Variants in MYO3B observed in about 807,000 individuals in gnomAD.
MYO3B encodes the protein myosin IIIB.
Under a neutral mutation model 174.6 loss-of-function variants are expected in MYO3B, and 156 were observed. The ratio of observed to expected loss-of-function variants is 0.89; its 90% CI spans 0.78 to 1.02. MYO3B has a LOEUF of 1.02. Among genes scored for constraint, MYO3B ranks in the 50% least tolerant of loss-of-function variants. The pLI is 0.00. For synonymous variants in MYO3B, 563 were observed against 569.1 expected (o/e 0.99, Z 0.15); for missense variants, 1,632 against 1,639.4 (o/e 1.00, Z 0.08).
intron 32 of MYO3B, among the ~76,000 whole-genome samples, chr2:170,611,243 A>G (rs1292508268): frequency 2.0e-5 from 3 of 152,224 alleles, no homozygotes; most frequent in Non-Finnish European, 2.9e-5. Context: ...CTCTGCCTCA[A>G]AATTACTTAC....
chr2:170,586,551 T>A (rs1243794898), intron 32 of MYO3B, among the ~76,000 whole-genome samples: 2 of 152,266 alleles, frequency 1.3e-5, no homozygotes, highest in African/African-American at 4.8e-5. Flanking sequence ...GCCTGTTATG[T>A]ATGTTACTAA....
chr2:170,422,977 CT>C (rs34882424), intron 22 of MYO3B, among the ~76,000 whole-genome samples: 57 of 88,500 alleles, frequency 6.4e-4, no homozygotes, highest in East Asian at 2.5e-3. Flanking sequence ...TTCTTTCTTT[CT>C]TTTTTTTTTT....
rs1483964629 is a variant in MYO3B at position 170,654,038 on chromosome 2, A to AACTT, written c.*919_*922dup. 2.0e-5 allele frequency: 3 copies of AACTT among 151,992 alleles called. No individual in the cohort carries two copies. The East Asian group carries it at 5.8e-4, about 29-fold the overall frequency. 9.4% of individuals were successfully genotyped at this position (151,992 alleles called of 1,614,324 possible). The stretch of plus-strand genomic sequence containing the variant: ...CTAGTGAATGGAGAATACATGGAGA[A>AACTT]ACTTAACTAAGTTACACAAGCATAT... On this transcript the variant is annotated 3_prime_UTR_variant, in exon 35 of 35. Transcript: ENST00000408978.
chr2:170,509,523 T>C (rs967632952), intron 28 of MYO3B, among the ~76,000 whole-genome samples: 1 of 152,148 alleles, frequency 6.6e-6, no homozygotes, highest in Non-Finnish European at 1.5e-5. Flanking sequence ...AGGGAAAAAA[T>C]AGAATACAAC....
At chr2:170,574,684 C>G (rs1024355940) in intron 32 of MYO3B, among the ~76,000 whole-genome samples, 1 of 152,126 alleles carries the variant, frequency 6.6e-6, no homozygotes, top group African/African-American at 2.4e-5. Flanking sequence ...AGGGTGAAAA[C>G]TGGCTGGTTC....
chr2:170,356,915 C>T (rs998024452), intron 8 of MYO3B, among the ~76,000 whole-genome samples: 5 of 151,906 alleles, frequency 3.3e-5, no homozygotes, highest in Admixed American at 3.3e-4. Context: ...GTGGCTGGGA[C>T]CATAGGTATG....
At chr2:170,479,505 TTA>T (rs1685543351) in intron 25 of MYO3B, among the ~76,000 whole-genome samples, 1 of 145,942 alleles carries the variant, frequency 6.9e-6, no homozygotes, top group African/African-American at 2.5e-5. Flanking sequence ...AATATATGTT[TTA>T]TATATATACA....
intron 9 of MYO3B, among the ~76,000 whole-genome samples, chr2:170,372,146 C>A (rs71415210): frequency 0.22 from 14,410 of 64,280 alleles, 1,371 homozygotes; most frequent in Non-Finnish European, 0.3. Flanking sequence ...AAAAAAAAAA[C>A]AACAACAACA....
At chr2:170,442,696 C>T (rs1418379144) in intron 22 of MYO3B, among the ~76,000 whole-genome samples, 1 of 152,062 alleles carries the variant, frequency 6.6e-6, no homozygotes, top group Admixed American at 6.6e-5. Flanking sequence ...TGTTCCCCAC[C>T]CTGCGTCCAA....
rs1169743924 is a variant in MYO3B at position 170,371,158 on chromosome 2, CA to C, written c.971+1782del. 5.7e-5 allele frequency among the ~76,000 whole-genome samples: 8 copies of C among 139,840 alleles called. No homozygotes were observed. The East Asian group carries it at 1.7e-3, about 30-fold the overall frequency. The allele number at this position is 139,840 out of a possible 152,430, so 91.7% of individuals were successfully genotyped here. ...GCTTAAACCTGGGAGGCGGAAGTTG[CA>C]GTGAGCTGAGATCGCGCCACTGCAC... On this transcript the variant is annotated intron_variant, in intron 9 of 34. Coordinates refer to ENST00000408978, the MANE Select transcript of MYO3B (RefSeq NM_138995.5).
At chr2:170,343,269 C>CA (rs1418583244) in intron 8 of MYO3B, among the ~76,000 whole-genome samples, 1 of 151,980 alleles carries the variant, frequency 6.6e-6, no homozygotes, top group Non-Finnish European at 1.5e-5. Context: ...CCTGTCTCTA[C>CA]AAAAAATTTA....
At chr2:170,532,466 G>A (rs1349227569) in intron 30 of MYO3B, among the ~76,000 whole-genome samples, 13 of 152,184 alleles carry the variant, frequency 8.5e-5, no homozygotes, top group Admixed American at 7.9e-4. Flanking sequence ...GGTCATATAA[G>A]AAAATGCCCT....
intron 32 of MYO3B, among the ~76,000 whole-genome samples, chr2:170,559,459 A>C (rs543568665): frequency 4.6e-5 from 7 of 152,206 alleles, no homozygotes; most frequent in Non-Finnish European, 1.0e-4. Flanking sequence ...TTAGGCCAAA[A>C]GATCAGAGAG....
At chr2:170,535,929 T>C (rs988841039) in intron 30 of MYO3B, among the ~76,000 whole-genome samples, 2 of 152,216 alleles carry the variant, frequency 1.3e-5, no homozygotes, top group Non-Finnish European at 2.9e-5. Context: ...CTGAACTTTC[T>C]CTCAGCTCCC....
chr2:170,415,396 C>T (rs1317214232), intron 22 of MYO3B, among the ~76,000 whole-genome samples: 1 of 152,152 alleles, frequency 6.6e-6, no homozygotes, highest in African/African-American at 2.4e-5. Context: ...TATTTTTCTT[C>T]TTAGCACTTA....
chr2:170,513,458 G>A (rs1271188639), intron 28 of MYO3B, among the ~76,000 whole-genome samples: 1 of 152,156 alleles, frequency 6.6e-6, no homozygotes, highest in African/African-American at 2.4e-5. Context: ...CGTTCTCACT[G>A]AGTCTCTCTG....
chr2:170,584,833 C>T (rs1693399022), intron 32 of MYO3B, among the ~76,000 whole-genome samples: 2 of 152,210 alleles, frequency 1.3e-5, no homozygotes, highest in South Asian at 2.1e-4. Flanking sequence ...TTGATTCTAA[C>T]CCATAGGAGA....
intron 30 of MYO3B, among the ~76,000 whole-genome samples, chr2:170,523,247 T>G (rs1038060638): frequency 6.6e-6 from 1 of 152,230 alleles, no homozygotes; most frequent in Non-Finnish European, 1.5e-5. Flanking sequence ...CAAAGCCACT[T>G]CTCAGCACTC....
intron 32 of MYO3B, among the ~76,000 whole-genome samples, chr2:170,606,928 G>A (rs1694842521): frequency 6.6e-6 from 1 of 152,160 alleles, no homozygotes; most frequent in African/African-American, 2.4e-5. Flanking sequence ...GCTGAGGGAG[G>A]AGAATCGCTT....
Sources: gnomAD v4.1 joint callset for allele counts (sites outside exome capture counted in the v4.1 genomes callset) on GRCh38, gnomAD v4.1.1 for gene constraint, MANE v1.5 for transcripts, NCBI Gene and HGNC (gene_info 2026-07-23, HGNC 2026-07-21) for gene names.